PBRM1: variants seen among roughly 807,000 people sequenced by gnomAD.
PBRM1 encodes the protein protein polybromo-1.
Under a neutral mutation model 194.5 loss-of-function variants are expected in PBRM1, and 27 were observed. That is an observed-to-expected ratio of 0.14 (90% CI 0.10 to 0.19). PBRM1 has a LOEUF of 0.19. Ranked by LOEUF, PBRM1 falls within the 10% of genes least tolerant of loss-of-function variation. The probability of loss-of-function intolerance (pLI) is 1.00; values close to 1 mark genes in which losing one functional copy is unlikely to be tolerated. For missense variants in PBRM1, 1,466 were observed against 2,077.2 expected, an observed-to-expected ratio of 0.71 and a Z score of 5.72; for synonymous variants, 655 against 693.2, an observed-to-expected ratio of 0.94 and a Z score of 0.87.
chr3:52,657,744 A>C (rs1484487297), intron 5 of PBRM1, among the ~76,000 whole-genome samples: 1 of 149,782 alleles, frequency 6.7e-6, no homozygotes, highest in East Asian at 2.0e-4. Flanking sequence ...TGCTGGGATT[A>C]CAGGCGTGAG....
intron 25 of PBRM1, 66 bp downstream of exon 27, chr3:52,561,701 C>T: frequency 2.2e-6 from 3 of 1,356,340 alleles, no homozygotes; most frequent in African/African-American, 1.4e-5. Context: ...TAAAACCTGT[C>T]TGTGCGCGTG....
At chr3:52,666,207 G>C (rs924530186) in intron 3 of PBRM1, among the ~76,000 whole-genome samples, 4 of 152,130 alleles carry the variant, frequency 2.6e-5, no homozygotes, top group African/African-American at 9.7e-5. Context: ...CTTAAGTCCA[G>C]GAGTTTGATT....
At chr3:52,632,268 A>AT (rs938947961) in intron 11 of PBRM1, among the ~76,000 whole-genome samples, 1 of 151,996 alleles carries the variant, frequency 6.6e-6, no homozygotes, top group Non-Finnish European at 1.5e-5. Flanking sequence ...GACATTATGG[A>AT]TTTTTTTTAG....
At chr3:52,650,375 A>C (rs959632229) in intron 6 of PBRM1, among the ~76,000 whole-genome samples, 3 of 140,446 alleles carry the variant, frequency 2.1e-5, no homozygotes, top group Admixed American at 8.1e-5. Flanking sequence ...AAAAAAAAAA[A>C]AAAAAACCCT....
At chr3:52,601,776 C>G (rs915329717) in intron 17 of PBRM1, among the ~76,000 whole-genome samples, 4 of 152,066 alleles carry the variant, frequency 2.6e-5, no homozygotes, top group Admixed American at 2.6e-4. Context: ...AGCAGTGGAT[C>G]GAGCAGGTGG....
Position 52,571,856 on chromosome 3 carries a change from C to CAAAAAAAAAA in PBRM1, c.3691+4675_3691+4684dup, listed in dbSNP as rs58430288. On this transcript the variant is annotated intron_variant, in intron 22 of 29. Coordinates refer to ENST00000296302, the Ensembl canonical transcript of PBRM1. ...GAGCAAGAGGGATACCTCATCTCCC[C>CAAAAAAAAAA]AAAAAAAAAAAAAAAAAAAAAAAAA... 3.6e-3 allele frequency among the ~76,000 whole-genome samples: 134 copies of CAAAAAAAAAA among 37,090 alleles called. 51 individuals are homozygous for CAAAAAAAAAA. Among genetic ancestry groups the CAAAAAAAAAA allele is most frequent in the African/African-American group, 0.014 (124 of 8,722 alleles). The allele number at this position is 37,090 out of a possible 152,430, so 24.3% of individuals were successfully genotyped here.
chr3:52,546,579 A>C (rs753721342), downstream of PBRM1: 25 of 230,244 alleles, frequency 1.1e-4, no homozygotes, highest in Non-Finnish European at 1.0e-4. Flanking sequence ...ATAGCAGATT[A>C]AAAGGAAAAA....
At chr3:52,583,106 A>T (rs1463714819) in intron 20 of PBRM1, among the ~76,000 whole-genome samples, 1 of 148,236 alleles carries the variant, frequency 6.7e-6, no homozygotes, top group East Asian at 2.0e-4. Context: ...CAAAAAAAAA[A>T]AAAAAAAAAA....
chr3:52,556,761 A>T lies in PBRM1; in HGVS notation c.4453+1488T>A, dbSNP rs79854291. Among the ~76,000 whole-genome samples the T allele has an allele frequency of 1.7e-3, 256 of 152,282 alleles. 2 individuals carry two copies. The highest frequency in any genetic ancestry group is 3.0e-3 in the Non-Finnish European group (202 of 68,022). ...AGCTGCAGGGTTCCCCATGAGGACC[A>T]AAGAGTGGTTACTGCAGAGAATGCT... On this transcript the variant is annotated intron_variant, in intron 26 of 29. Coordinates refer to ENST00000296302, the Ensembl canonical transcript of PBRM1.
chr3:52,555,701 G>A (rs2082084372), intron 26 of PBRM1, among the ~76,000 whole-genome samples: 1 of 152,000 alleles, frequency 6.6e-6, no homozygotes, highest in African/African-American at 2.4e-5. Flanking sequence ...ACCTTAACAG[G>A]GAGCATTTTA....
At chr3:52,637,373 T>C (rs1411157622) in intron 10 of PBRM1, among the ~76,000 whole-genome samples, 4 of 152,090 alleles carry the variant, frequency 2.6e-5, no homozygotes, top group African/African-American at 7.2e-5. Context: ...GGCTCACACA[T>C]GTAACCCCAA....
chr3:52,619,524 G>C (rs2095163790), intron 13 of PBRM1, among the ~76,000 whole-genome samples: 1 of 152,118 alleles, frequency 6.6e-6, no homozygotes, highest in African/African-American at 2.4e-5. Context: ...ATCCATAGTT[G>C]GTTGAATCCC....
At chr3:52,637,462 T>C (rs1205806460) in intron 10 of PBRM1, among the ~76,000 whole-genome samples, 1 of 151,932 alleles carries the variant, frequency 6.6e-6, no homozygotes, top group Admixed American at 6.6e-5. Flanking sequence ...TGAAACTCCA[T>C]CTCTATCACA....
At chr3:52,622,861 A>G (rs1576944511) in intron 13 of PBRM1, among the ~76,000 whole-genome samples, 4 of 152,238 alleles carry the variant, frequency 2.6e-5, no homozygotes, top group African/African-American at 9.6e-5. Flanking sequence ...TTTTATATAT[A>G]CTAATATTTA....
At chr3:52,593,771 T>C (rs1048784227) in intron 17 of PBRM1, among the ~76,000 whole-genome samples, 7 of 152,232 alleles carry the variant, frequency 4.6e-5, no homozygotes, top group African/African-American at 1.7e-4. Context: ...CTATTTTTAT[T>C]GTGCTGTGGT....
intron 11 of PBRM1, among the ~76,000 whole-genome samples, chr3:52,630,446 C>T (rs1265545727): frequency 6.6e-6 from 1 of 152,198 alleles, no homozygotes; most frequent in Admixed American, 6.5e-5. Flanking sequence ...TCCTTAATCA[C>T]ACTAGCCACA....
chr3:52,553,488 CTTT>C (rs35486235), intron 27 of PBRM1, among the ~76,000 whole-genome samples: 4 of 128,976 alleles, frequency 3.1e-5, no homozygotes, highest in Non-Finnish European at 5.0e-5. Flanking sequence ...TAATGTCAGG[CTTT>C]TTTTTTTTTT....
intron 13 of PBRM1, among the ~76,000 whole-genome samples, chr3:52,620,991 A>C (rs917078641): frequency 1.3e-5 from 2 of 152,220 alleles, no homozygotes; most frequent in African/African-American, 4.8e-5. Context: ...GAAAAAACTC[A>C]GAGCCAACTT....
At chr3:52,676,318 C>A (rs1431204001) in intron 2 of PBRM1, among the ~76,000 whole-genome samples, 1 of 152,114 alleles carries the variant, frequency 6.6e-6, no homozygotes, top group Non-Finnish European at 1.5e-5. Context: ...TCCTAGAATT[C>A]CCACATGTTG....
Sources: gnomAD v4.1 joint callset for allele counts (sites outside exome capture counted in the v4.1 genomes callset) on GRCh38, gnomAD v4.1.1 for gene constraint, MANE v1.5 for transcripts, NCBI Gene and HGNC (gene_info 2026-07-23, HGNC 2026-07-21) for gene names.